Variants in ZNF597 observed in about 807,000 individuals in gnomAD.
ZNF597 encodes zinc finger protein 597.
Under a neutral mutation model 7.3 loss-of-function variants are expected in ZNF597, and 5 were observed. The ratio of observed to expected loss-of-function variants is 0.68; its 90% CI spans 0.36 to 1.44. The LOEUF is 1.44. ZNF597 is among the 40% of genes most tolerant of loss of function. ZNF597 has a pLI of 0.04. For synonymous variants in ZNF597, 209 were observed against 185.4 expected (o/e 1.13, Z -1.04); for missense variants, 585 against 517.9 (o/e 1.13, Z -1.26).
intron 2 of ZNF597, among the ~76,000 whole-genome samples, chr16:3,442,739 C>G (rs2034405966): frequency 6.6e-6 from 1 of 151,558 alleles, no homozygotes; most frequent in Non-Finnish European, 1.5e-5. Context: ...CTCTCAGATA[C>G]TCGAGAGGCT....
rs770829631 is a variant in ZNF597, at chr16:3,443,094, T to A, written c.33+27A>T. 3 of 1,613,928 alleles carry A rather than the reference T, an allele frequency of 1.9e-6. No individual in the cohort carries two copies. The African/African-American group carries it at 4.0e-5, about 22-fold the overall frequency. ...GCAGAGACCGAAAGCAGCAATAAACTTGGACGAAAAAGGTACCTCGACTCA... is the reference window on the plus strand; with the variant it reads ...GCAGAGACCGAAAGCAGCAATAAACATGGACGAAAAAGGTACCTCGACTCA... On this transcript the variant is annotated intron_variant, in intron 2 of 3. Transcript: ENST00000301744.
At chr16:3,437,919 A>T (rs1180397119) in intron 3 of ZNF597, among the ~76,000 whole-genome samples, 2 of 152,216 alleles carry the variant, frequency 1.3e-5, no homozygotes, top group Admixed American at 1.3e-4. Context: ...AAAAAAGATT[A>T]GGATTCATAT....
chr16:3,442,662 G>C (rs1166860337), intron 2 of ZNF597, among the ~76,000 whole-genome samples: 1 of 140,256 alleles, frequency 7.1e-6, no homozygotes, highest in Admixed American at 7.4e-5. Flanking sequence ...GCGACAGAGC[G>C]AGACTCTGTA....
In ZNF597 at chr16:3,440,820, A is replaced by C. The variant is rs759214484; in HGVS notation, c.147T>G (p.Asp49Glu). 2 of 1,613,930 alleles carry C rather than the reference A, an allele frequency of 1.2e-6. No individual in the cohort carries two copies. The highest frequency in any genetic ancestry group is 1.7e-6 in the Non-Finnish European group (2 of 1,179,908). Residue 49 changes from aspartate (D) to glutamate (E), a missense_variant, in exon 3 of 4, where the codon GAT becomes GAG. Coordinates refer to ENST00000301744, the MANE Select transcript of ZNF597 (RefSeq NM_152457.3). ...CAATTGCCTTACCCATCAAAGCCGC[A>C]TCCTCCAAAGACTCTTTTGTACCAT... is the stretch of plus-strand genomic sequence containing the variant. ...SKDGTKESLE[D>E]AALMGEEGKP...
Position 3,443,204 on chromosome 16 carries a change from A to T in ZNF597, c.-51T>A. 1 of 1,585,230 alleles carries T rather than the reference A, an allele frequency of 6.3e-7. No individual in the cohort carries two copies. The highest frequency in any genetic ancestry group is 8.6e-7 in the Non-Finnish European group (1 of 1,160,958). On this transcript the variant is annotated splice_region_variant and 5_prime_UTR_variant, in exon 2 of 4. The change creates a new upstream start codon in the 5' untranslated region. Coordinates refer to ENST00000301744, the MANE Select transcript of ZNF597 (RefSeq NM_152457.3). Reference sequence around the variant, plus strand: ...AAGACGCCACAGGGACTTCGTGACAAAGCTGCGGGGGGAGAGAACAGTTCT... The same window carrying T: ...AAGACGCCACAGGGACTTCGTGACATAGCTGCGGGGGGAGAGAACAGTTCT...
At position 3,436,943 on chromosome 16, in the gene ZNF597, G is replaced by A. The variant is rs1164024674; in HGVS notation, c.756C>T (p.Leu252=). The part of the protein sequence containing the change: ...CSICGRGFMW[L]PGLAQHQKSH... ...TTTTCTGATGCTGTGCCAATCCTGG[G>A]AGCCACATAAAACCTCTACCACATA... Residue 252 remains leucine, a synonymous_variant, in exon 4 of 4, where the codon CTC becomes CTT. Coordinates refer to ENST00000301744, the MANE Select transcript of ZNF597 (RefSeq NM_152457.3). The A allele has an allele frequency of 3.7e-6, 6 of 1,614,034 alleles. No homozygotes were observed. The highest frequency in any genetic ancestry group is 1.7e-5 in the Admixed American group (1 of 59,998).
intron 2 of ZNF597, among the ~76,000 whole-genome samples, chr16:3,441,954 T>G (rs560687644): frequency 7.1e-6 from 1 of 141,200 alleles, no homozygotes; most frequent in East Asian, 2.0e-4. Flanking sequence ...CACTCCAGCC[T>G]AGGCGTCGCA....
chr16:3,440,960 C>T, intron 2 of ZNF597, 27 bp from the exon 3 acceptor site: 1 of 1,608,076 alleles, frequency 6.2e-7, no homozygotes, highest in Non-Finnish European at 8.5e-7. Context: ...TGTGTCAGCA[C>T]AAGAGGGTGG....
In ZNF597 at chr16:3,436,454, A is replaced by T; in HGVS notation, c.1245T>A (p.His415Gln). The T allele has an allele frequency of 6.2e-7, 1 of 1,613,830 alleles. No individual in the cohort carries two copies. The highest frequency in any genetic ancestry group is 8.5e-7 in the Non-Finnish European group (1 of 1,179,814). Residue 415 changes from histidine (H) to glutamine (Q), a missense_variant, in exon 4 of 4, where the codon CAT (histidine) becomes CAA (glutamine). Coordinates refer to ENST00000301744, the MANE Select transcript of ZNF597 (RefSeq NM_152457.3). Reference protein sequence around the residue: ...TFKSNLHLITHKRTHIKNTT With the variant: ...TFKSNLHLITQKRTHIKNTT The stretch of plus-strand genomic sequence containing the variant: ...TGGTGTTTTTTATGTGAGTTCGCTT[A>T]TGAGTAATGAGATGCAAATTCGACT...
chr16:3,443,132 G>C lies in ZNF597; in HGVS notation c.22C>G (p.Pro8Ala). MASMPPT[P>A]EAQGPILFED... is the part of the protein sequence containing the mutation. ...GTACCTCGACTCACCTGGGCCTCGGGCGTCGGGGGCATGGACGCCATTTGG... is the reference window on the plus strand; with the variant it reads ...GTACCTCGACTCACCTGGGCCTCGGCCGTCGGGGGCATGGACGCCATTTGG... Residue 8 changes from proline to alanine, a missense_variant, in exon 2 of 4, where the codon CCC (proline) becomes GCC (alanine). By Grantham distance (27) the Pro-to-Ala change is conservative. Coordinates refer to ENST00000301744, the MANE Select transcript of ZNF597 (RefSeq NM_152457.3). 1.2e-6 allele frequency: 2 copies of C among 1,613,998 alleles called. No homozygotes were observed. Among genetic ancestry groups the C allele is most frequent in the Non-Finnish European group, 1.7e-6 (2 of 1,179,950 alleles).
At chr16:3,443,308 C>T in intron 1 of ZNF597, 52 bp downstream of exon 1, 1 of 687,546 alleles carries the variant, frequency 1.5e-6, no homozygotes, top group Non-Finnish European at 2.3e-6. Context: ...CCCTTAAAAA[C>T]CTACGCCGAC....
chr16:3,433,209 T>C lies in ZNF597; in HGVS notation c.*3215A>G, dbSNP rs998948387. 6.6e-6 allele frequency: 1 copy of C among 152,244 alleles called. No homozygotes were observed. Among genetic ancestry groups the C allele is most frequent in the African/African-American group, 2.4e-5 (1 of 41,464 alleles). 9.4% of individuals were successfully genotyped at this position (152,244 alleles called of 1,614,324 possible). Reference sequence around the variant, plus strand: ...AGCAACAAAGCTCTAAATAAAACTATTCTGAGTCGACCTCATTCAAAACAA... The same window carrying C: ...AGCAACAAAGCTCTAAATAAAACTACTCTGAGTCGACCTCATTCAAAACAA... On this transcript the variant is annotated 3_prime_UTR_variant, in exon 4 of 4. Transcript: ENST00000301744.
chr16:3,442,018 C>G (rs2034386223), intron 2 of ZNF597, among the ~76,000 whole-genome samples: 1 of 151,088 alleles, frequency 6.6e-6, no homozygotes, highest in African/African-American at 2.4e-5. Flanking sequence ...GAAAGTTGGG[C>G]AGCCCAGGAA....
At chr16:3,443,270 T>TA in intron 1 of ZNF597, 64 bp from the exon 2 acceptor site, 1 of 1,048,558 alleles carries the variant, frequency 9.5e-7, no homozygotes, top group Non-Finnish European at 1.4e-6. Context: ...CCACTACCCC[T>TA]AGCCTCCCTC....
At chr16:3,439,464 C>T (rs1329063833) in intron 3 of ZNF597, among the ~76,000 whole-genome samples, 2 of 152,100 alleles carry the variant, frequency 1.3e-5, no homozygotes. Flanking sequence ...TGGAAAGAAC[C>T]ACCTAAAAGG....
rs1376027252 is a variant in ZNF597, at chr16:3,436,230, G to T, written c.*194C>A. 2.0e-5 allele frequency: 12 copies of T among 608,288 alleles called. No homozygotes were observed. The highest frequency in any genetic ancestry group is 3.4e-5 in the Non-Finnish European group (12 of 352,852). 37.7% of individuals were successfully genotyped at this position (608,288 alleles called of 1,614,324 possible). A position where few individuals can be genotyped will look rare whatever the true frequency, so the allele number is the denominator to read the frequency against. On this transcript the variant is annotated 3_prime_UTR_variant, in exon 4 of 4. Transcript: ENST00000301744. ...AATCCTGGGTTCATTCACTAGTTTA[G>T]TGACACGGATTTTGCATCCCTACTT...
In ZNF597 at chr16:3,437,042, G is replaced by C. The variant is rs1170031412; in HGVS notation, c.657C>G (p.Ala219=). Residue 219 remains alanine, a synonymous_variant, in exon 4 of 4, where the codon GCC becomes GCG. Coordinates refer to ENST00000301744, the MANE Select transcript of ZNF597 (RefSeq NM_152457.3). ...ATAGATGAGAGTGCTGGCGAAAGCT[G>C]GCACTGCACTTGGCACACTTATAAG... ...EKPYKCAKCS[A]SFRQHSHLSR... 1 of 1,614,152 alleles carries C rather than the reference G, an allele frequency of 6.2e-7. No homozygotes were observed. The highest frequency in any genetic ancestry group is 8.5e-7 in the Non-Finnish European group (1 of 1,180,028).
chr16:3,440,676 C>G (rs1020190707), intron 3 of ZNF597, 131 bp downstream of exon 3: 4 of 1,199,386 alleles, frequency 3.3e-6, no homozygotes, highest in African/African-American at 1.5e-5. Flanking sequence ...TTTTCTCTCA[C>G]ACAATTATCA....
At chr16:3,442,472 G>A (rs1218341087) in intron 2 of ZNF597, among the ~76,000 whole-genome samples, 3 of 152,058 alleles carry the variant, frequency 2.0e-5, no homozygotes, top group African/African-American at 7.2e-5. Context: ...TCAGGAGATT[G>A]AGACCATCCT....
Sources: allele counts gnomAD v4.1 joint callset (sites outside exome capture counted in the v4.1 genomes callset), GRCh38; gene constraint gnomAD v4.1.1; transcripts MANE v1.5; gene names NCBI Gene and HGNC (gene_info 2026-07-23, HGNC 2026-07-21).